SYT17: variants seen among roughly 807,000 people sequenced by gnomAD.
The protein encoded by SYT17 is synaptotagmin 17.
In SYT17, 22 loss-of-function variants were observed where a neutral mutation model predicts 46.7. The observed-to-expected ratio is 0.47, with a 90% CI of 0.34 to 0.67. The LOEUF is 0.67. Among genes scored for constraint, SYT17 ranks in the 30% least tolerant of loss-of-function variants. The pLI, the probability that SYT17 is intolerant of heterozygous loss-of-function variation, is 0.01. For missense variants in SYT17, 519 were observed against 612.8 expected (o/e 0.85, Z 1.62); for synonymous variants, 251 against 248.4 (o/e 1.01, Z -0.10).
At chr16:19,189,284 A>G (rs1387878590) in intron 5 of SYT17, among the ~76,000 whole-genome samples, 1 of 151,694 alleles carries the variant, frequency 6.6e-6, no homozygotes, top group Non-Finnish European at 1.5e-5. Context: ...ACAATGACCC[A>G]ATTTCCAAAT....
intron 5 of SYT17, among the ~76,000 whole-genome samples, chr16:19,189,194 G>A (rs1473681963): frequency 6.6e-6 from 1 of 151,990 alleles, no homozygotes; most frequent in Non-Finnish European, 1.5e-5. Context: ...CTTCTTATAA[G>A]GACACCGGAC....
chr16:19,253,198 G>T (rs1968312862), intron 7 of SYT17, among the ~76,000 whole-genome samples: 1 of 152,176 alleles, frequency 6.6e-6, no homozygotes. Context: ...AAAGTTGAAT[G>T]CTTCCAATAG....
chr16:19,173,376 C>CG, intron 2 of SYT17, 54 bp from the exon 3 acceptor site: 1 of 430,572 alleles, frequency 2.3e-6, no homozygotes. Flanking sequence ...CTTCCCCACC[C>CG]TGCCCACCTC....
chr16:19,171,903 G>C (rs1430747952), intron 1 of SYT17: 1 of 152,180 alleles, frequency 6.6e-6, no homozygotes, highest in Non-Finnish European at 1.5e-5. Context: ...TTGGTAAGTG[G>C]TAAAAGATGT....
At chr16:19,202,115 C>G (rs229005) in intron 5 of SYT17, among the ~76,000 whole-genome samples, 13 of 151,840 alleles carry the variant, frequency 8.6e-5, no homozygotes, top group South Asian at 2.1e-4. Flanking sequence ...TCAATTCATA[C>G]GGACACTAAA....
chr16:19,237,357 C>A (rs966102078), intron 7 of SYT17, among the ~76,000 whole-genome samples: 2 of 152,262 alleles, frequency 1.3e-5, no homozygotes, highest in East Asian at 1.9e-4. Context: ...GAGACCCACA[C>A]TTTTGAGGCA....
At chr16:19,233,267 G>A (rs753073875) in intron 7 of SYT17, among the ~76,000 whole-genome samples, 13 of 152,160 alleles carry the variant, frequency 8.5e-5, no homozygotes, top group Admixed American at 3.9e-4. Context: ...GGGAAGGCAC[G>A]GCGGGGAATG....
At chr16:19,230,071 G>A (rs2142900108) in intron 7 of SYT17, among the ~76,000 whole-genome samples, 1 of 152,304 alleles carries the variant, frequency 6.6e-6, no homozygotes, top group East Asian at 1.9e-4. Flanking sequence ...AGGATGGGGA[G>A]TTATTATTTA....
At chr16:19,248,738 CT>C (rs1366935120) in intron 7 of SYT17, among the ~76,000 whole-genome samples, 1 of 151,932 alleles carries the variant, frequency 6.6e-6, no homozygotes, top group African/African-American at 2.4e-5. Context: ...AGGAGAATCA[CT>C]TGAATCTGGG....
intron 5 of SYT17, among the ~76,000 whole-genome samples, chr16:19,203,336 C>CAAA (rs3038782): frequency 0.051 from 7,379 of 145,606 alleles, 579 homozygotes; most frequent in African/African-American, 0.17. Flanking sequence ...ACTAACAATA[C>CAAA]AAAAAAAAAA....
chr16:19,253,965 G>T (rs1358943157), intron 7 of SYT17, among the ~76,000 whole-genome samples: 1 of 152,180 alleles, frequency 6.6e-6, no homozygotes, highest in African/African-American at 2.4e-5. Context: ...CTGACCTCAG[G>T]TGATCCACCT....
intron 7 of SYT17, among the ~76,000 whole-genome samples, chr16:19,244,339 A>AT (rs1197809560): frequency 1.7e-5 from 2 of 116,562 alleles, no homozygotes; most frequent in East Asian, 4.7e-4. Context: ...TTTCTTTATT[A>AT]TTATTTTTTT....
At chr16:19,170,856 G>C (rs1567194780) in intron 1 of SYT17, 1 of 152,134 alleles carries the variant, frequency 6.6e-6, no homozygotes, top group Admixed American at 6.5e-5. Context: ...TACCTGCCGG[G>C]ACAATACCCA....
intron 7 of SYT17, among the ~76,000 whole-genome samples, chr16:19,250,359 TTGTGTG>T (rs55818940): frequency 0.012 from 1,544 of 132,536 alleles, 25 homozygotes; most frequent in African/African-American, 0.035. Flanking sequence ...TCAAACATGT[TTGTGTG>T]TGTGTGTGTG....
intron 5 of SYT17, among the ~76,000 whole-genome samples, chr16:19,210,046 T>C (rs1965837500): frequency 6.6e-6 from 1 of 150,934 alleles, no homozygotes; most frequent in Non-Finnish European, 1.5e-5. Context: ...ATGGAAAATG[T>C]GTGTGTAATT....
chr16:19,179,564 G>T (rs572094183), intron 3 of SYT17, among the ~76,000 whole-genome samples: 50 of 152,160 alleles, frequency 3.3e-4, no homozygotes, highest in Non-Finnish European at 5.9e-4. Flanking sequence ...ACCATGCTCG[G>T]CCTCTACGCA....
At chr16:19,210,815 A>T (rs1004827203) in intron 5 of SYT17, among the ~76,000 whole-genome samples, 1 of 152,204 alleles carries the variant, frequency 6.6e-6, no homozygotes, top group Non-Finnish European at 1.5e-5. Flanking sequence ...TTTGGGCTTC[A>T]CTAAAATTTG....
At chr16:19,259,558 G>A (rs1342392964) in intron 7 of SYT17, among the ~76,000 whole-genome samples, 1 of 152,180 alleles carries the variant, frequency 6.6e-6, no homozygotes, top group Non-Finnish European at 1.5e-5. Flanking sequence ...CTCCAGATGG[G>A]AAAACCAGAT....
intron 3 of SYT17, among the ~76,000 whole-genome samples, chr16:19,178,009 CCTT>C (rs1232376492): frequency 6.6e-6 from 1 of 152,098 alleles, no homozygotes; most frequent in Admixed American, 6.5e-5. Context: ...AGTTATTCAT[CCTT>C]CTCCCAACCT....
Sources: gnomAD v4.1 joint callset for allele counts (sites outside exome capture counted in the v4.1 genomes callset) on GRCh38, gnomAD v4.1.1 for gene constraint, MANE v1.5 for transcripts, NCBI Gene and HGNC (gene_info 2026-07-23, HGNC 2026-07-21) for gene names.